The following SYN3 variants were observed in gnomAD, a reference collection of about 807,000 sequenced individuals.
The protein encoded by SYN3 is synapsin-3.
SYN3 carries 35 observed loss-of-function variants against 65.8 expected under a neutral mutation model. That is an observed-to-expected ratio of 0.53 (90% CI 0.41 to 0.70). SYN3 has a LOEUF of 0.70. Ranked by LOEUF, SYN3 falls within the 30% of genes least tolerant of loss-of-function variation. SYN3 has a pLI of 0.00. For missense variants in SYN3, 680 were observed against 749.0 expected (o/e 0.91, Z 1.08); for synonymous variants, 270 against 292.9 (o/e 0.92, Z 0.80).
intron 6 of SYN3, among the ~76,000 whole-genome samples, chr22:32,843,325 C>G (rs2047967093): frequency 6.6e-6 from 1 of 152,234 alleles, no homozygotes. Context: ...TAATGTGATG[C>G]TAAGAAAAGC....
chr22:32,516,181 G>A (rs941344780), intron 13 of SYN3, among the ~76,000 whole-genome samples: 19 of 151,494 alleles, frequency 1.3e-4, no homozygotes, highest in East Asian at 2.0e-4. Context: ...AAATGAGGGC[G>A]AGGATCTGAA....
At position 32,544,485 on chromosome 22, in the gene SYN3, T is replaced by C. The variant is rs537461006; in HGVS notation, c.775-2772A>G. Among the ~76,000 whole-genome samples, 5 of 152,330 alleles carry C rather than the reference T, an allele frequency of 3.3e-5. No individual in the cohort carries two copies. In the South Asian group the frequency reaches 1.0e-3, roughly 32 times the overall value. ...TCCCTACCATTCTCCTGAGACTGAT[T>C]TGGCCAAGGTCCCTTTTAGTCCACT... On this transcript the variant is annotated intron_variant, in intron 7 of 13. Transcript: ENST00000358763.
At chr22:32,777,209 C>T (rs1344547940) in intron 6 of SYN3, among the ~76,000 whole-genome samples, 1 of 152,250 alleles carries the variant, frequency 6.6e-6, no homozygotes, top group East Asian at 1.9e-4. Flanking sequence ...GACCACACAG[C>T]TAGTATATTC....
At chr22:32,572,275 CT>C (rs2058772370) in intron 7 of SYN3, among the ~76,000 whole-genome samples, 2 of 39,198 alleles carry the variant, frequency 5.1e-5, no homozygotes, top group African/African-American at 9.4e-5. Context: ...TCCTTCCCCC[CT>C]CCCTCCCTCC....
At chr22:32,945,794 T>C (rs1265199582) in intron 3 of SYN3, among the ~76,000 whole-genome samples, 1 of 152,180 alleles carries the variant, frequency 6.6e-6, no homozygotes, top group African/African-American at 2.4e-5. Context: ...TCTACTTATC[T>C]GACAAAGGGC....
At chr22:32,915,269 A>T (rs1199197449) in intron 4 of SYN3, among the ~76,000 whole-genome samples, 1 of 152,202 alleles carries the variant, frequency 6.6e-6, no homozygotes, top group Non-Finnish European at 1.5e-5. Flanking sequence ...CTTAAAGTAT[A>T]ATAATAATAA....
At chr22:32,785,458 G>A (rs1181950326) in intron 6 of SYN3, among the ~76,000 whole-genome samples, 2 of 152,146 alleles carry the variant, frequency 1.3e-5, no homozygotes, top group African/African-American at 2.4e-5. Flanking sequence ...GTAAGATGGA[G>A]TCCTGGGGGG....
chr22:32,610,752 T>C (rs2059431644), intron 6 of SYN3, among the ~76,000 whole-genome samples: 1 of 152,180 alleles, frequency 6.6e-6, no homozygotes, highest in African/African-American at 2.4e-5. Flanking sequence ...CTGGCTAATT[T>C]TGTATTTTTA....
chr22:32,792,013 G>A (rs1003911313), intron 6 of SYN3, among the ~76,000 whole-genome samples: 2 of 152,166 alleles, frequency 1.3e-5, no homozygotes, highest in African/African-American at 2.4e-5. Context: ...GGCAGGGGCT[G>A]TTCTCATTCA....
chr22:32,691,054 T>G (rs1247556221), intron 6 of SYN3, among the ~76,000 whole-genome samples: 1 of 152,108 alleles, frequency 6.6e-6, no homozygotes, highest in African/African-American at 2.4e-5. Context: ...AATAAGCCCC[T>G]CCTTTAAAGC....
intron 3 of SYN3, among the ~76,000 whole-genome samples, chr22:32,945,284 T>C (rs538704727): frequency 1.3e-5 from 2 of 152,104 alleles, no homozygotes; most frequent in Non-Finnish European, 2.9e-5. Flanking sequence ...TACCTGACTT[T>C]AAACTATACT....
intron 4 of SYN3, among the ~76,000 whole-genome samples, chr22:32,927,814 C>G (rs2146675096): frequency 6.6e-6 from 1 of 152,206 alleles, no homozygotes; most frequent in Admixed American, 6.5e-5. Context: ...TTGTGAAGGT[C>G]TGTAAATGTT....
In SYN3 at chr22:32,507,946, C is replaced by T. The variant is rs1034272046; in HGVS notation, c.*5746G>A. Among the ~76,000 whole-genome samples the T allele has an allele frequency of 2.7e-4, 41 of 151,784 alleles. No homozygotes were observed. Among genetic ancestry groups the T allele is most frequent in the African/African-American group, 1.0e-3 (41 of 41,070 alleles). ...TAGGTTCCCACGCCGCCCCTAATCC[C>T]ACTCGAAGCAGCCCTGAGAAACATC... On this transcript the variant is annotated 3_prime_UTR_variant, in exon 14 of 14. Coordinates refer to ENST00000358763, the MANE Select transcript of SYN3 (RefSeq NM_003490.4).
At chr22:32,529,093 G>T in intron 10 of SYN3, 85 bp from the exon 11 acceptor site, 1 of 1,566,564 alleles carries the variant, frequency 6.4e-7, no homozygotes, top group South Asian at 1.1e-5. Flanking sequence ...GGGGGCTCAG[G>T]GCTCAGGACA....
At chr22:32,890,287 C>T in intron 4 of SYN3, among the ~76,000 whole-genome samples, 1 of 151,858 alleles carries the variant, frequency 6.6e-6, no homozygotes, top group East Asian at 1.9e-4. Context: ...GCTGCCCAGG[C>T]TGGTCTCAAA....
intron 3 of SYN3, among the ~76,000 whole-genome samples, chr22:32,940,884 G>A (rs546219779): frequency 6.6e-6 from 1 of 152,176 alleles, no homozygotes; most frequent in South Asian, 2.1e-4. Flanking sequence ...TTAACCTACT[G>A]ATCAGAAAAA....
chr22:32,845,247 A>C (rs1465171769), intron 6 of SYN3, among the ~76,000 whole-genome samples: 1 of 151,956 alleles, frequency 6.6e-6, no homozygotes, highest in Non-Finnish European at 1.5e-5. Flanking sequence ...TCCAGGCTGG[A>C]GTACGGTGAT....
rs1184432889 is a variant in SYN3 at position 32,980,688 on chromosome 22, T to C, written c.326A>G (p.His109Arg). The change falls in exon 3 of 14, where the codon CAT (histidine) becomes CGT (arginine). Residue 109 changes from histidine to arginine, a missense_variant. Physicochemically the swap from His to Arg is conservative, Grantham distance 29. Coordinates refer to ENST00000358763, the MANE Select transcript of SYN3 (RefSeq NM_003490.4). ...AATCTCTCCATTCACCTTCTTCCCA[T>C]GGAAATACTTCGACCTGTAAAGGGG... ...DAHTDWSKYFHGKKVNGEIEI... is the reference protein window; with the variant it reads ...DAHTDWSKYFRGKKVNGEIEI... 22 of 1,613,774 alleles carry C rather than the reference T, an allele frequency of 1.4e-5. No homozygotes were observed. Among genetic ancestry groups the C allele is most frequent in the Admixed American group, 5.0e-5 (3 of 59,970 alleles).
intron 6 of SYN3, among the ~76,000 whole-genome samples, chr22:32,611,294 T>G (rs866062423): frequency 1.6e-4 from 22 of 137,054 alleles, no homozygotes; most frequent in Admixed American, 2.1e-4. Context: ...GTTTTTTTTT[T>G]TTTTTTTTTT....
Sources: allele counts gnomAD v4.1 joint callset (sites outside exome capture counted in the v4.1 genomes callset), GRCh38; gene constraint gnomAD v4.1.1; transcripts MANE v1.5; gene names NCBI Gene and HGNC (gene_info 2026-07-23, HGNC 2026-07-21).